The following NEGR1 variants were observed in gnomAD, a reference collection of about 807,000 sequenced individuals.
The protein encoded by NEGR1 is neuronal growth regulator 1, also known as IgLON family member 4.
In NEGR1, 10 loss-of-function variants were observed where a neutral mutation model predicts 40.9. The observed-to-expected ratio is 0.24, with a 90% CI of 0.15 to 0.42. The LOEUF (loss-of-function observed/expected upper bound fraction) is 0.42. Ranked by LOEUF, NEGR1 falls within the 10% of genes least tolerant of loss-of-function variation. NEGR1 has a pLI of 1.00. For missense variants in NEGR1, 352 were observed against 438.9 expected (o/e 0.80, Z 1.77); for synonymous variants, 185 against 166.8 (o/e 1.11, Z -0.84).
At chr1:72,232,698 G>A (rs757739361) in intron 1 of NEGR1, among the ~76,000 whole-genome samples, 57 of 152,004 alleles carry the variant, frequency 3.7e-4, no homozygotes, top group African/African-American at 1.3e-3. Context: ...CTGGAAGGAC[G>A]GGTAAAATGC....
At chr1:72,124,546 G>A (rs1160321335) in intron 1 of NEGR1, among the ~76,000 whole-genome samples, 1 of 151,982 alleles carries the variant, frequency 6.6e-6, no homozygotes, top group African/African-American at 2.4e-5. Context: ...ATATATTACT[G>A]GAAAGCAAAG....
intron 1 of NEGR1, among the ~76,000 whole-genome samples, chr1:71,947,990 A>T (rs1478838957): frequency 3.9e-5 from 6 of 152,148 alleles, no homozygotes; most frequent in African/African-American, 1.4e-4. Flanking sequence ...GGGAAAGGAG[A>T]CAACTGAATA....
chr1:71,915,303 C>T (rs79253102), intron 2 of NEGR1, among the ~76,000 whole-genome samples: 1 of 151,624 alleles, frequency 6.6e-6, no homozygotes, highest in Non-Finnish European at 1.5e-5. Context: ...GCTGTCATCA[C>T]TAAAGAATAG....
chr1:71,876,545 G>C (rs1390217714), intron 2 of NEGR1, among the ~76,000 whole-genome samples: 1 of 150,714 alleles, frequency 6.6e-6, no homozygotes, highest in Non-Finnish European at 1.5e-5. Context: ...AGAGGAGACA[G>C]AGAGAGAGGA....
chr1:71,549,041 C>A (rs1647991225), intron 6 of NEGR1, among the ~76,000 whole-genome samples: 1 of 151,674 alleles, frequency 6.6e-6, no homozygotes, highest in South Asian at 2.1e-4. Flanking sequence ...ACAACTTTAT[C>A]CTTCTGGACA....
At chr1:72,007,076 T>C (rs184858005) in intron 1 of NEGR1, among the ~76,000 whole-genome samples, 97 of 152,286 alleles carry the variant, frequency 6.4e-4, no homozygotes, top group African/African-American at 2.0e-3. Context: ...AAATAATCAC[T>C]TCCTTTCATA....
chr1:72,012,842 C>CATATATAT (rs375131531), intron 1 of NEGR1, among the ~76,000 whole-genome samples: 2,451 of 140,150 alleles, frequency 0.017, 29 homozygotes, highest in Non-Finnish European at 0.028. Context: ...TATATACATA[C>CATATATAT]ATATATATAT....
intron 6 of NEGR1, among the ~76,000 whole-genome samples, chr1:71,531,911 A>C (rs1476012766): frequency 6.6e-6 from 1 of 150,404 alleles, no homozygotes; most frequent in East Asian, 2.0e-4. Context: ...AATTTGAGAT[A>C]GAATTTTTTT....
At chr1:72,052,215 T>G (rs1018993808) in intron 1 of NEGR1, among the ~76,000 whole-genome samples, 1 of 151,458 alleles carries the variant, frequency 6.6e-6, no homozygotes, top group East Asian at 1.9e-4. Context: ...TCAGGGTTGA[T>G]AGTGACAAAG....
intron 6 of NEGR1, among the ~76,000 whole-genome samples, chr1:71,457,507 C>T (rs750043439): frequency 3.3e-5 from 5 of 152,074 alleles, no homozygotes; most frequent in Non-Finnish European, 7.4e-5. Flanking sequence ...ATGCAAGGTC[C>T]TAGGAAAAAG....
At position 71,406,229 on chromosome 1, in the gene NEGR1, TTATAA is replaced by T. The variant is rs895252304; in HGVS notation, c.*1212_*1216del. 13 of 151,960 alleles carry T rather than the reference TTATAA, an allele frequency of 8.6e-5. No individual in the cohort carries two copies. The highest frequency in any genetic ancestry group is 1.5e-5 in the Non-Finnish European group (1 of 67,902). The allele number at this position is 151,960 out of a possible 1,614,324, so 9.4% of individuals were successfully genotyped here. ...GCTACATACCGATATAGAATGTTTG[TTATAA>T]TATATTTTGGAAGTTTTAAAATATA... On this transcript the variant is annotated 3_prime_UTR_variant, in exon 7 of 7. Coordinates refer to ENST00000357731, the MANE Select transcript of NEGR1 (RefSeq NM_173808.3).
intron 2 of NEGR1, among the ~76,000 whole-genome samples, chr1:71,840,607 T>C (rs1659203293): frequency 6.6e-6 from 1 of 152,168 alleles, no homozygotes; most frequent in Non-Finnish European, 1.5e-5. Flanking sequence ...ATAAAAGTTA[T>C]GATACTCAGA....
chr1:71,707,222 C>T (rs1653931364), intron 3 of NEGR1, among the ~76,000 whole-genome samples: 1 of 152,144 alleles, frequency 6.6e-6, no homozygotes, highest in Admixed American at 6.5e-5. Context: ...TAGGAGCTGA[C>T]TCTTGGGTGG....
At position 71,765,164 on chromosome 1, in the gene NEGR1, C is replaced by T. The variant is rs559789602; in HGVS notation, c.535+11008G>A. Reference sequence around the variant, plus strand: ...TGGACTGAAAACTGTGACACCTGCACAGTTGGTCAACAGAACGGCCCAATC... The same window carrying T: ...TGGACTGAAAACTGTGACACCTGCATAGTTGGTCAACAGAACGGCCCAATC... On this transcript the variant is annotated intron_variant, in intron 3 of 6. Coordinates refer to ENST00000357731, the MANE Select transcript of NEGR1 (RefSeq NM_173808.3). 3.7e-4 allele frequency among the ~76,000 whole-genome samples: 56 copies of T among 152,264 alleles called. 1 individual carries two copies. The highest frequency in any genetic ancestry group is 3.3e-3 in the Admixed American group (51 of 15,298).
chr1:72,061,289 A>G (rs888551581), intron 1 of NEGR1, among the ~76,000 whole-genome samples: 22 of 151,832 alleles, frequency 1.4e-4, no homozygotes, highest in African/African-American at 5.3e-4. Context: ...GACTGTATTG[A>G]TGGTCTAACA....
chr1:72,240,808 C>A (rs1448312829), intron 1 of NEGR1, among the ~76,000 whole-genome samples: 1 of 151,778 alleles, frequency 6.6e-6, no homozygotes, highest in Non-Finnish European at 1.5e-5. Flanking sequence ...TGACCATGCT[C>A]CTGATCATTA....
chr1:72,238,766 C>A (rs1654642222), intron 1 of NEGR1, among the ~76,000 whole-genome samples: 1 of 151,902 alleles, frequency 6.6e-6, no homozygotes, highest in South Asian at 2.1e-4. Context: ...TAAAAAGCTT[C>A]ATGCTAGTGC....
intron 1 of NEGR1, among the ~76,000 whole-genome samples, chr1:72,191,280 A>C (rs1194968741): frequency 6.6e-6 from 1 of 151,650 alleles, no homozygotes. Flanking sequence ...TTCTCCCTAA[A>C]GTTTTAGGTT....
chr1:71,951,948 A>G (rs1450831203), intron 1 of NEGR1, among the ~76,000 whole-genome samples: 1 of 151,960 alleles, frequency 6.6e-6, no homozygotes, highest in Non-Finnish European at 1.5e-5. Flanking sequence ...AACTATGCCC[A>G]TACAAGACGG....
Sources: gnomAD v4.1 joint callset for allele counts (sites outside exome capture counted in the v4.1 genomes callset) on GRCh38, gnomAD v4.1.1 for gene constraint, MANE v1.5 for transcripts, NCBI Gene and HGNC (gene_info 2026-07-23, HGNC 2026-07-21) for gene names.